The following CD226 variants were observed in gnomAD, a reference collection of about 807,000 sequenced individuals.
CD226 encodes the protein CD226 molecule.
CD226 carries 24 observed loss-of-function variants against 34.9 expected under a neutral mutation model. The ratio of observed to expected loss-of-function variants is 0.69; its 90% CI spans 0.50 to 0.97. The LOEUF (loss-of-function observed/expected upper bound fraction) is 0.97. CD226 is among the 50% of genes least tolerant of loss of function. The pLI, the probability that CD226 is intolerant of heterozygous loss-of-function variation, is 0.00. For synonymous variants in CD226, 148 were observed against 147.4 expected, an observed-to-expected ratio of 1.00 and a Z score of -0.03; for missense variants, 397 against 412.7, an observed-to-expected ratio of 0.96 and a Z score of 0.33.
At chr18:69,929,369 G>C (rs537582292) in intron 2 of CD226, among the ~76,000 whole-genome samples, 1 of 152,230 alleles carries the variant, frequency 6.6e-6, no homozygotes, top group South Asian at 2.1e-4. Context: ...ATTTTATCAA[G>C]TCACTCTCAT....
At chr18:69,952,317 G>T (rs1200301227), upstream of CD226, among the ~76,000 whole-genome samples, 1 of 152,174 alleles carries the variant, frequency 6.6e-6, no homozygotes, top group Non-Finnish European at 1.5e-5. Context: ...ATTACTTAAT[G>T]TGTACAACAT....
At chr18:69,865,356 A>T (rs1983074952) in intron 5 of CD226, among the ~76,000 whole-genome samples, 1 of 152,192 alleles carries the variant, frequency 6.6e-6, no homozygotes. Flanking sequence ...TATAGAGGTT[A>T]TCTTTTAAAA....
In CD226 at chr18:69,861,772, G is replaced by A. The variant is rs1391229484; in HGVS notation, c.*2542C>T. The A allele has an allele frequency of 3.3e-5, 5 of 151,594 alleles. No individual in the cohort carries two copies. Among genetic ancestry groups the A allele is most frequent in the South Asian group, 4.2e-4 (2 of 4,810 alleles). The allele number at this position is 151,594 out of a possible 1,614,324, so 9.4% of individuals were successfully genotyped here. ...CTAGGGAGAGTCCCAAAACTATCACGAATTAAGAATGATGTTAAAAAGATG... is the reference window on the plus strand; with the variant it reads ...CTAGGGAGAGTCCCAAAACTATCACAAATTAAGAATGATGTTAAAAAGATG... On this transcript the variant is annotated 3_prime_UTR_variant, in exon 6 of 6. Transcript: ENST00000582621.
At chr18:69,949,056 TAC>T (rs1188124281), upstream of CD226, among the ~76,000 whole-genome samples, 2 of 152,134 alleles carry the variant, frequency 1.3e-5, no homozygotes, top group Non-Finnish European at 2.9e-5. Context: ...ATGGTGTGAC[TAC>T]AGTCTAGTGG....
chr18:69,887,105 G>A (rs929840617), intron 3 of CD226, among the ~76,000 whole-genome samples: 1 of 152,134 alleles, frequency 6.6e-6, no homozygotes, highest in Non-Finnish European at 1.5e-5. Flanking sequence ...TTTATCTGCT[G>A]GATCAGGAAG....
chr18:69,950,671 T>A (rs1286949574), upstream of CD226, among the ~76,000 whole-genome samples: 1 of 151,850 alleles, frequency 6.6e-6, no homozygotes, highest in Non-Finnish European at 1.5e-5. Flanking sequence ...TTTGTGGAAG[T>A]TTTTCAATCA....
chr18:69,868,975 C>T (rs1465748830), intron 4 of CD226, among the ~76,000 whole-genome samples: 1 of 152,188 alleles, frequency 6.6e-6, no homozygotes, highest in East Asian at 1.9e-4. Context: ...TCAGTCCTCT[C>T]ATCTGTATTA....
intron 2 of CD226, among the ~76,000 whole-genome samples, chr18:69,922,292 T>C (rs72957835): frequency 0.081 from 12,346 of 152,288 alleles, 688 homozygotes; most frequent in Middle Eastern, 0.29. Flanking sequence ...TTCGTTTGTT[T>C]ATTTTTTGAG....
intron 2 of CD226, among the ~76,000 whole-genome samples, chr18:69,936,916 C>G (rs1250878510): frequency 1.3e-5 from 2 of 152,230 alleles, no homozygotes; most frequent in Non-Finnish European, 2.9e-5. Context: ...GCCTTCTTAA[C>G]CTTGTTTGAA....
At chr18:69,890,011 T>G (rs1250166070) in intron 3 of CD226, among the ~76,000 whole-genome samples, 1 of 152,238 alleles carries the variant, frequency 6.6e-6, no homozygotes, top group Non-Finnish European at 1.5e-5. Context: ...CAAGAGTTCA[T>G]GAAAGTTTTT....
chr18:69,921,640 T>C (rs2055453523), intron 2 of CD226, among the ~76,000 whole-genome samples: 1 of 152,218 alleles, frequency 6.6e-6, no homozygotes, highest in African/African-American at 2.4e-5. Flanking sequence ...AGGCCCTTCG[T>C]GGATTGGCCT....
chr18:69,934,872 T>C (rs183835868), intron 2 of CD226, among the ~76,000 whole-genome samples: 5 of 152,344 alleles, frequency 3.3e-5, no homozygotes, highest in East Asian at 3.9e-4. Flanking sequence ...AAGGATTGAC[T>C]TGATGGTCTT....
chr18:69,867,547 T>A lies in CD226; in HGVS notation c.831-136A>T, dbSNP rs188596792. 595 of 590,812 alleles carry A rather than the reference T, an allele frequency of 1.0e-3. 4 individuals carry two copies. The highest frequency in any genetic ancestry group is 1.0e-2 in the African/African-American group (537 of 53,912). 36.6% of individuals were successfully genotyped at this position (590,812 alleles called of 1,614,324 possible). ...GTTGAAGTAGCTTTATGCACATTTA[T>A]CCAAAATTCTGTTACCCTACAGTTT... On this transcript the variant is annotated intron_variant, in intron 4 of 5. Transcript: ENST00000582621.
chr18:69,938,144 G>A (rs940236793), intron 2 of CD226, among the ~76,000 whole-genome samples: 1 of 152,132 alleles, frequency 6.6e-6, no homozygotes, highest in Non-Finnish European at 1.5e-5. Flanking sequence ...ACTGGAATAT[G>A]GGAGATCACA....
intron 2 of CD226, among the ~76,000 whole-genome samples, chr18:69,930,806 C>T (rs1459768993): frequency 1.3e-5 from 2 of 152,186 alleles, no homozygotes; most frequent in African/African-American, 2.4e-5. Flanking sequence ...ACAGGTGCTC[C>T]ATAAAGCTCA....
intron 2 of CD226, among the ~76,000 whole-genome samples, chr18:69,915,563 C>T (rs1189867898): frequency 2.0e-5 from 3 of 152,110 alleles, no homozygotes; most frequent in African/African-American, 7.2e-5. Context: ...TTGCTACGCG[C>T]CATTTTTTAA....
chr18:69,926,806 G>A (rs1489915680), intron 2 of CD226, among the ~76,000 whole-genome samples: 3 of 152,136 alleles, frequency 2.0e-5, no homozygotes, highest in Non-Finnish European at 4.4e-5. Flanking sequence ...GTAAACTGAA[G>A]CTCAGAAAAA....
chr18:69,901,607 A>G lies in CD226; in HGVS notation c.383-5562T>C, dbSNP rs187275523. 3.0e-3 allele frequency among the ~76,000 whole-genome samples: 445 copies of G among 146,312 alleles called. 5 individuals carry two copies. The highest frequency in any genetic ancestry group is 0.015 in the Middle Eastern group (4 of 272). On this transcript the variant is annotated intron_variant, in intron 2 of 5. Transcript: ENST00000582621. ...TAAAAGTATTTATTTGTGCCCGGGC[A>G]CAGTGGCTCACACCTGTAATCCAGC...
At chr18:69,875,811 T>C (rs1384438980) in intron 3 of CD226, among the ~76,000 whole-genome samples, 1 of 152,180 alleles carries the variant, frequency 6.6e-6, no homozygotes, top group Admixed American at 6.5e-5. Context: ...AAGCCAGACA[T>C]AGAAAGACAA....
Sources: gnomAD v4.1 joint callset for allele counts (sites outside exome capture counted in the v4.1 genomes callset) on GRCh38, gnomAD v4.1.1 for gene constraint, MANE v1.5 for transcripts, NCBI Gene and HGNC (gene_info 2026-07-23, HGNC 2026-07-21) for gene names.